ASXL2: variants seen among roughly 807,000 people sequenced by gnomAD.
ASXL2 encodes the protein putative Polycomb group protein ASXL2.
A neutral mutation model predicts 122.0 loss-of-function variants in ASXL2; 23 were observed. The observed-to-expected ratio is 0.19, with a 90% CI of 0.14 to 0.27. The LOEUF (loss-of-function observed/expected upper bound fraction) is 0.27. Ranked by LOEUF, ASXL2 falls within the 10% of genes least tolerant of loss-of-function variation. The pLI is 1.00. For missense variants in ASXL2, 1,518 were observed against 1,713.8 expected, an observed-to-expected ratio of 0.89 and a Z score of 2.02; for synonymous variants, 650 against 637.0, an observed-to-expected ratio of 1.02 and a Z score of -0.31.
chr2:25,799,660 G>T, intron 4 of ASXL2, 125 bp from the exon 5 acceptor site: 1 of 1,118,578 alleles, frequency 8.9e-7, no homozygotes, highest in Non-Finnish European at 1.2e-6. Context: ...TTCAGTAGCA[G>T]AACCAGCAAT....
At chr2:25,834,367 A>T (rs2089485491) in intron 3 of ASXL2, among the ~76,000 whole-genome samples, 1 of 152,094 alleles carries the variant, frequency 6.6e-6, no homozygotes, top group African/African-American at 2.4e-5. Context: ...AAAATAAATA[A>T]ATAAATAAGA....
In ASXL2 at chr2:25,741,751, AAAT is replaced by A; in HGVS notation, c.*275_*277del. The A allele has an allele frequency of 7.6e-6, 3 of 395,554 alleles. No homozygotes were observed. Among genetic ancestry groups the A allele is most frequent in the Non-Finnish European group, 1.4e-5 (3 of 218,382 alleles). 24.5% of individuals were successfully genotyped at this position (395,554 alleles called of 1,614,324 possible). On this transcript the variant is annotated 3_prime_UTR_variant, in exon 13 of 13. Transcript: ENST00000435504. ...TACATTATTACCTAAACACTTGGAAAAATAATGTTAAACAAAATGTGACATATT... is the reference window on the plus strand; with the variant it reads ...TACATTATTACCTAAACACTTGGAAAAATGTTAAACAAAATGTGACATATT...
At chr2:25,781,950 C>CCA (rs1553697866) in intron 5 of ASXL2, among the ~76,000 whole-genome samples, 2 of 119,654 alleles carry the variant, frequency 1.7e-5, no homozygotes, top group African/African-American at 3.1e-5. Context: ...GCGTGAGCCA[C>CCA]CGCCCGGGCT....
intron 1 of ASXL2, among the ~76,000 whole-genome samples, chr2:25,863,863 G>A (rs2089866670): frequency 6.6e-6 from 1 of 151,374 alleles, no homozygotes; most frequent in South Asian, 2.1e-4. Flanking sequence ...AAAATTAGCT[G>A]GGTATGGTGG....
Position 25,742,038 on chromosome 2 carries a change from G to C in ASXL2, c.4299C>G (p.Val1433=), listed in dbSNP as rs371044436. The change falls in exon 13 of 13, where the codon GTC becomes GTG. Residue 1433 remains valine, a synonymous_variant. Coordinates refer to ENST00000435504, the MANE Select transcript of ASXL2 (RefSeq NM_018263.6). The part of the protein sequence containing the change: ...GPSKLCVSCL[V]VR ...TCTCTTTCTAGTCTCATTACCGAACGACAAGGCAGGAGACGCACAGTTTGG... is the reference window on the plus strand; with the variant it reads ...TCTCTTTCTAGTCTCATTACCGAACCACAAGGCAGGAGACGCACAGTTTGG... 1.2e-4 allele frequency: 199 copies of C among 1,611,556 alleles called. No homozygotes were observed. The highest frequency in any genetic ancestry group is 1.6e-4 in the Non-Finnish European group (186 of 1,178,272).
At position 25,749,900 on chromosome 2, in the gene ASXL2, T is replaced by C. The variant is rs1484249226; in HGVS notation, c.1656A>G (p.Lys552=). ...AGAGPQETNM[K]EPLATLVDQS... ...GATCAACAAGAGTTGCTAGAGGTTC[T>C]TTCATATTAGTCTCCTGTGGACCCG... The change falls in exon 12 of 13, where the codon AAA becomes AAG. Residue 552 remains lysine, a synonymous_variant. Coordinates refer to ENST00000435504, the MANE Select transcript of ASXL2 (RefSeq NM_018263.6). The C allele has an allele frequency of 6.2e-7, 1 of 1,612,468 alleles. No homozygotes were observed.
At chr2:25,853,728 C>A (rs1294929517) in intron 1 of ASXL2, among the ~76,000 whole-genome samples, 1 of 151,814 alleles carries the variant, frequency 6.6e-6, no homozygotes, top group East Asian at 1.9e-4. Flanking sequence ...ACTGCAGCCT[C>A]GAACTCCTGG....
At chr2:25,876,629 G>A (rs559593705) in intron 1 of ASXL2, among the ~76,000 whole-genome samples, 1 of 152,182 alleles carries the variant, frequency 6.6e-6, no homozygotes, top group Non-Finnish European at 1.5e-5. Context: ...TTTATTAACA[G>A]AAAGAGGTCT....
chr2:25,815,464 C>T (rs1475220386), intron 3 of ASXL2, among the ~76,000 whole-genome samples: 1 of 151,946 alleles, frequency 6.6e-6, no homozygotes, highest in Non-Finnish European at 1.5e-5. Context: ...TAAAATAAGC[C>T]ACTTCTATGT....
intron 4 of ASXL2, among the ~76,000 whole-genome samples, chr2:25,803,827 C>T (rs537266029): frequency 5.3e-5 from 8 of 152,296 alleles, no homozygotes; most frequent in Admixed American, 1.3e-4. Context: ...GCTGTGCAGC[C>T]GGGTTCCTAA....
At chr2:25,800,753 A>C (rs2088986177) in intron 4 of ASXL2, among the ~76,000 whole-genome samples, 1 of 152,238 alleles carries the variant, frequency 6.6e-6, no homozygotes, top group African/African-American at 2.4e-5. Context: ...AGGTGGGGAT[A>C]ATAGTACCTA....
chr2:25,836,473 T>C (rs868754311), intron 2 of ASXL2, among the ~76,000 whole-genome samples: 7 of 151,842 alleles, frequency 4.6e-5, no homozygotes, highest in East Asian at 1.9e-4. Flanking sequence ...CACTTTTGCA[T>C]GTGGAGAGAT....
At chr2:25,867,559 C>T (rs1024975708) in intron 1 of ASXL2, among the ~76,000 whole-genome samples, 26 of 152,264 alleles carry the variant, frequency 1.7e-4, no homozygotes, top group South Asian at 6.2e-4. Context: ...TTATCTCCTC[C>T]CACCAGTCTT....
At chr2:25,851,208 T>C (rs1003655747) in intron 1 of ASXL2, among the ~76,000 whole-genome samples, 7 of 152,120 alleles carry the variant, frequency 4.6e-5, no homozygotes, top group African/African-American at 1.7e-4. Flanking sequence ...TTGTATTTAC[T>C]GTTTTCAGAA....
chr2:25,780,770 T>A (rs1190878745), intron 5 of ASXL2, among the ~76,000 whole-genome samples: 3 of 152,218 alleles, frequency 2.0e-5, no homozygotes, highest in Non-Finnish European at 4.4e-5. Context: ...AAAAAATTCT[T>A]TATTTTCAGG....
rs750327851 is a variant in ASXL2, at chr2:25,753,668, A to G, written c.1037-29T>C. ...CAATGTACCCAAAAAAGGATATTCA[A>G]TAGAAAAATGCTATTTGCAACATGT... On this transcript the variant is annotated intron_variant, in intron 10 of 12. Transcript: ENST00000435504. 2.4e-5 allele frequency: 36 copies of G among 1,527,350 alleles called. 2 individuals carry two copies. The South Asian group carries it at 3.6e-4, about 15-fold the overall frequency. 94.6% of individuals were successfully genotyped at this position (1,527,350 alleles called of 1,614,324 possible).
chr2:25,841,097 A>G (rs1338585975), intron 2 of ASXL2, among the ~76,000 whole-genome samples: 1 of 147,474 alleles, frequency 6.8e-6, no homozygotes. Flanking sequence ...CAAGAGTTTG[A>G]GACCGGCCTG....
chr2:25,857,206 T>A (rs1245485623), intron 1 of ASXL2, among the ~76,000 whole-genome samples: 1 of 151,866 alleles, frequency 6.6e-6, no homozygotes, highest in Non-Finnish European at 1.5e-5. Context: ...TTCTTCTGTA[T>A]CCAACCCCAA....
chr2:25,782,788 C>T (rs2088666663), intron 5 of ASXL2, among the ~76,000 whole-genome samples: 1 of 152,116 alleles, frequency 6.6e-6, no homozygotes, highest in South Asian at 2.1e-4. Context: ...TTTATTCTAG[C>T]TCTGTAACAG....
Sources: allele counts gnomAD v4.1 joint callset (sites outside exome capture counted in the v4.1 genomes callset), GRCh38; gene constraint gnomAD v4.1.1; transcripts MANE v1.5; gene names NCBI Gene and HGNC (gene_info 2026-07-23, HGNC 2026-07-21).